Variants in BMP6 observed in about 807,000 individuals in gnomAD.
BMP6 encodes the protein VG-1-R.
BMP6 carries 17 observed loss-of-function variants against 54.1 expected under a neutral mutation model. The ratio of observed to expected loss-of-function variants is 0.31; its 90% CI spans 0.22 to 0.47. The LOEUF (loss-of-function observed/expected upper bound fraction) is 0.47, where lower values mean the gene tolerates loss of function less well. Ranked by LOEUF, BMP6 falls within the 20% of genes least tolerant of loss-of-function variation. The pLI, the probability that BMP6 is intolerant of heterozygous loss-of-function variation, is 1.00. For synonymous variants in BMP6, 328 were observed against 291.2 expected (o/e 1.13, Z -1.28); for missense variants, 720 against 690.4 (o/e 1.04, Z -0.48).
At chr6:7,838,985 CT>C (rs1317076545) in intron 1 of BMP6, among the ~76,000 whole-genome samples, 7 of 147,736 alleles carry the variant, frequency 4.7e-5, no homozygotes, top group Middle Eastern at 3.3e-3. Flanking sequence ...CTGTAGGGAT[CT>C]TTTTAATATA....
chr6:7,847,041 G>C (rs1056418060), intron 2 of BMP6, among the ~76,000 whole-genome samples: 2 of 152,180 alleles, frequency 1.3e-5, no homozygotes, highest in Non-Finnish European at 2.9e-5. Context: ...AAAAGAGAGA[G>C]AGAAAGTTAG....
intron 4 of BMP6, among the ~76,000 whole-genome samples, chr6:7,877,270 C>G (rs1209588263): frequency 6.6e-6 from 1 of 152,042 alleles, no homozygotes; most frequent in African/African-American, 2.4e-5. Flanking sequence ...AAAAGTTGCC[C>G]CATCTCTTCT....
intron 1 of BMP6, among the ~76,000 whole-genome samples, chr6:7,790,841 C>T (rs1758092351): frequency 1.3e-5 from 2 of 152,214 alleles, no homozygotes; most frequent in Admixed American, 1.3e-4. Flanking sequence ...AGGATTCTAA[C>T]ATGATTGACT....
chr6:7,776,889 A>G, intron 1 of BMP6, among the ~76,000 whole-genome samples: 1 of 152,334 alleles, frequency 6.6e-6, no homozygotes, highest in South Asian at 2.1e-4. Context: ...AAAGGTGAGA[A>G]GATATAAAAG....
chr6:7,803,766 G>A (rs1036907810), intron 1 of BMP6, among the ~76,000 whole-genome samples: 8 of 151,554 alleles, frequency 5.3e-5, no homozygotes, highest in East Asian at 1.9e-4. Context: ...TTTAACTTGC[G>A]AAATCAGGTC....
In BMP6 at chr6:7,798,107, T is replaced by G. The variant is rs149432075; in HGVS notation, c.665-47033T>G. On this transcript the variant is annotated intron_variant, in intron 1 of 6. Transcript: ENST00000283147. ...TAGTCTGTTAACTAGTTGACTTGTT[T>G]GGTGGGGTGTGAAGTACCAAGGAGA... Among the ~76,000 whole-genome samples the G allele has an allele frequency of 2.0e-5, 3 of 152,322 alleles. No individual in the cohort carries two copies. The East Asian group carries it at 5.8e-4, about 29-fold the overall frequency.
At chr6:7,761,587 G>A (rs182573601) in intron 1 of BMP6, among the ~76,000 whole-genome samples, 21 of 152,292 alleles carry the variant, frequency 1.4e-4, no homozygotes, top group Admixed American at 3.9e-4. Context: ...AACACAAGAC[G>A]CAGACATGGC....
chr6:7,756,189 G>GTGTTT (rs975908300), intron 1 of BMP6, among the ~76,000 whole-genome samples: 14 of 152,114 alleles, frequency 9.2e-5, no homozygotes, highest in East Asian at 3.9e-4. Flanking sequence ...TCACGCTTCA[G>GTGTTT]TGTTTTGTTT....
chr6:7,790,252 C>T (rs145805897), intron 1 of BMP6, among the ~76,000 whole-genome samples: 137 of 152,230 alleles, frequency 9.0e-4, no homozygotes, highest in African/African-American at 3.1e-3. Context: ...CAGTGGCTCA[C>T]GCCCGTAACC....
At chr6:7,766,056 G>C (rs1420774145) in intron 1 of BMP6, among the ~76,000 whole-genome samples, 1 of 152,138 alleles carries the variant, frequency 6.6e-6, no homozygotes, top group East Asian at 1.9e-4. Context: ...CAGGGATCAG[G>C]ATGAGGACAT....
At chr6:7,766,565 C>T (rs966842648) in intron 1 of BMP6, among the ~76,000 whole-genome samples, 1 of 152,092 alleles carries the variant, frequency 6.6e-6, no homozygotes, top group Non-Finnish European at 1.5e-5. Flanking sequence ...CTGCAGTGAG[C>T]CAAGATCGTG....
chr6:7,815,202 C>T (rs948190596), intron 1 of BMP6, among the ~76,000 whole-genome samples: 4 of 152,114 alleles, frequency 2.6e-5, no homozygotes, highest in Admixed American at 2.0e-4. Flanking sequence ...CTCAAAATAC[C>T]TCCTAGAAGC....
At chr6:7,786,147 G>C (rs1337880532) in intron 1 of BMP6, among the ~76,000 whole-genome samples, 1 of 152,184 alleles carries the variant, frequency 6.6e-6, no homozygotes, top group Non-Finnish European at 1.5e-5. Context: ...TTTCCTGATA[G>C]TGAAGTTTTC....
intron 1 of BMP6, among the ~76,000 whole-genome samples, chr6:7,741,699 C>T (rs2327008): frequency 0.39 from 59,589 of 152,100 alleles, 12,818 homozygotes; most frequent in Non-Finnish European, 0.48. Flanking sequence ...TCCAAAAGTG[C>T]TGGGCTTACA....
At chr6:7,852,658 T>C (rs887876266) in intron 2 of BMP6, among the ~76,000 whole-genome samples, 9 of 152,232 alleles carry the variant, frequency 5.9e-5, no homozygotes, top group African/African-American at 2.2e-4. Flanking sequence ...CCCCTCTTCC[T>C]TGGTGGACTC....
chr6:7,776,274 A>G (rs1451810666), intron 1 of BMP6, among the ~76,000 whole-genome samples: 1 of 152,204 alleles, frequency 6.6e-6, no homozygotes, highest in African/African-American at 2.4e-5. Flanking sequence ...CCCTTCCCTC[A>G]GTTTTCTCAC....
intron 2 of BMP6, among the ~76,000 whole-genome samples, chr6:7,859,431 A>G (rs922892224): frequency 9.9e-5 from 15 of 151,814 alleles, no homozygotes; most frequent in African/African-American, 3.6e-4. Flanking sequence ...GGGCAGCCTT[A>G]CCCCCGAGAT....
At chr6:7,858,565 C>T (rs150186045) in intron 2 of BMP6, among the ~76,000 whole-genome samples, 13 of 152,092 alleles carry the variant, frequency 8.5e-5, no homozygotes, top group African/African-American at 1.9e-4. Context: ...AGATATGTGA[C>T]GGCTAAGGAC....
At chr6:7,807,943 C>T (rs1167201879) in intron 1 of BMP6, among the ~76,000 whole-genome samples, 9 of 107,810 alleles carry the variant, frequency 8.3e-5, no homozygotes, top group East Asian at 5.9e-4. Flanking sequence ...TTTTTTGAGA[C>T]GGAGTCTTGC....
Sources: allele counts gnomAD v4.1 joint callset (sites outside exome capture counted in the v4.1 genomes callset), GRCh38; gene constraint gnomAD v4.1.1; transcripts MANE v1.5; gene names NCBI Gene and HGNC (gene_info 2026-07-23, HGNC 2026-07-21).